The following NRXN1 variants were observed in gnomAD, a reference collection of about 807,000 sequenced individuals.
NRXN1 encodes neurexin-1.
In NRXN1, 39 loss-of-function variants were observed where a neutral mutation model predicts 150.9. That is an observed-to-expected ratio of 0.26 (90% CI 0.20 to 0.34). The LOEUF is 0.34. NRXN1 is among the 10% of genes least tolerant of loss of function. NRXN1 has a pLI of 1.00. For missense variants in NRXN1, 1,815 were observed against 1,949.9 expected (o/e 0.93, Z 1.30); for synonymous variants, 924 against 757.0 (o/e 1.22, Z -3.62).
At chr2:50,672,755 T>A (rs1335644333) in intron 5 of NRXN1, among the ~76,000 whole-genome samples, 3 of 152,022 alleles carry the variant, frequency 2.0e-5, no homozygotes, top group Non-Finnish European at 4.4e-5. Context: ...AGAAAACTGA[T>A]TATTTTGAAA....
At chr2:50,308,518 T>A (rs1252111967) in intron 17 of NRXN1, among the ~76,000 whole-genome samples, 1 of 152,022 alleles carries the variant, frequency 6.6e-6, no homozygotes, top group African/African-American at 2.4e-5. Flanking sequence ...TTTAATTTTT[T>A]ATTTTTTTCC....
At chr2:50,336,222 T>C (rs527361496) in intron 17 of NRXN1, among the ~76,000 whole-genome samples, 1 of 152,294 alleles carries the variant, frequency 6.6e-6, no homozygotes, top group South Asian at 2.1e-4. Context: ...GGTGTTAAAT[T>C]GAAGAAACAA....
In NRXN1 at chr2:50,346,892, C is replaced by A. The variant is rs1188018101; in HGVS notation, c.3365-109922G>T. ...CCTGCGCCGCCGCCGCCGCCGCCGCCGCCGCCGCCCCCGGGCGAGCCCAGC... is the reference window on the plus strand; with the variant it reads ...CCTGCGCCGCCGCCGCCGCCGCCGCAGCCGCCGCCCCCGGGCGAGCCCAGC... On this transcript the variant is annotated intron_variant, in intron 17 of 22. Coordinates refer to ENST00000401669, the MANE Select transcript of NRXN1 (RefSeq NM_001330078.2). This position sits in a 1 kb window ranked among gnomAD's most constrained non-coding sequence, Gnocchi z 5.0. 1 of 1,310,640 alleles carries A rather than the reference C, an allele frequency of 7.6e-7. No individual in the cohort carries two copies. The highest frequency in any genetic ancestry group is 3.3e-5 in the East Asian group (1 of 30,334). 81.2% of individuals were successfully genotyped at this position (1,310,640 alleles called of 1,614,324 possible). A position where few individuals can be genotyped will look rare whatever the true frequency, so the allele number is the denominator to read the frequency against.
chr2:50,603,454 G>T (rs779384263), intron 8 of NRXN1, among the ~76,000 whole-genome samples: 1 of 152,124 alleles, frequency 6.6e-6, no homozygotes, highest in Non-Finnish European at 1.5e-5. Context: ...AGGGGAAAAA[G>T]AAAGAAAGAA....
At chr2:50,066,182 A>G (rs1000595810) in intron 19 of NRXN1, among the ~76,000 whole-genome samples, 3 of 152,306 alleles carry the variant, frequency 2.0e-5, no homozygotes, top group East Asian at 3.9e-4. Context: ...ATCGGACTCA[A>G]TAAAGTCAAT....
intron 8 of NRXN1, among the ~76,000 whole-genome samples, chr2:50,561,150 T>G (rs770747805): frequency 1.3e-5 from 2 of 152,236 alleles, no homozygotes; most frequent in African/African-American, 4.8e-5. Context: ...TTCAGTGAAC[T>G]GCTTAAAGTT....
At chr2:50,282,153 C>T (rs2071545780) in intron 17 of NRXN1, among the ~76,000 whole-genome samples, 3 of 152,036 alleles carry the variant, frequency 2.0e-5, no homozygotes, top group African/African-American at 4.8e-5. Flanking sequence ...AAGTAGGAAG[C>T]AGAAGATGTG....
In NRXN1 at chr2:49,979,737, T is replaced by A. The variant is rs998322773; in HGVS notation, c.4129-35946A>T. 4.6e-5 allele frequency among the ~76,000 whole-genome samples: 7 copies of A among 152,178 alleles called. No individual in the cohort carries two copies. In the East Asian group the frequency reaches 1.2e-3, roughly 25 times the overall value. Reference sequence around the variant, plus strand: ...ATCCAAGCAGATTGTCTTAGTTTTTTATTATTTTTCCTTTTTCTCCTTATA... The same window carrying A: ...ATCCAAGCAGATTGTCTTAGTTTTTAATTATTTTTCCTTTTTCTCCTTATA... On this transcript the variant is annotated intron_variant, in intron 21 of 22. Transcript: ENST00000401669.
At chr2:49,995,747 A>G (rs35178310) in intron 21 of NRXN1, among the ~76,000 whole-genome samples, 46,726 of 138,422 alleles carry the variant, frequency 0.34, 8,318 homozygotes, top group East Asian at 0.5. Context: ...CATCACTGCA[A>G]TCCAGCCTGA....
intron 2 of NRXN1, among the ~76,000 whole-genome samples, chr2:50,992,035 G>T (rs536164664): frequency 6.6e-6 from 1 of 152,074 alleles, no homozygotes; most frequent in South Asian, 2.1e-4. Flanking sequence ...TCCGAGAGGG[G>T]ATAATATAAA....
At chr2:50,657,680 T>C (rs1283873015) in intron 5 of NRXN1, among the ~76,000 whole-genome samples, 1 of 151,978 alleles carries the variant, frequency 6.6e-6, no homozygotes, top group Non-Finnish European at 1.5e-5. Flanking sequence ...AGAGTAGACA[T>C]GAGATAAGAG....
At chr2:50,350,878 G>A (rs548943725) in intron 17 of NRXN1, among the ~76,000 whole-genome samples, 3 of 152,258 alleles carry the variant, frequency 2.0e-5, no homozygotes, top group South Asian at 4.1e-4. Flanking sequence ...AGAAGAAATT[G>A]TAGCTGTAGT....
At chr2:50,969,425 T>C (rs1455405465) in intron 2 of NRXN1, among the ~76,000 whole-genome samples, 4 of 152,142 alleles carry the variant, frequency 2.6e-5, no homozygotes. Context: ...CTGGTTGGTA[T>C]TAAATGATTA....
At chr2:50,352,354 G>A (rs2078472038) in intron 17 of NRXN1, among the ~76,000 whole-genome samples, 3 of 152,040 alleles carry the variant, frequency 2.0e-5, no homozygotes, top group Admixed American at 1.3e-4. Flanking sequence ...ATGGTTGTCA[G>A]GCAGACACTT....
At chr2:50,088,623 C>T (rs1699135533) in intron 19 of NRXN1, among the ~76,000 whole-genome samples, 1 of 152,148 alleles carries the variant, frequency 6.6e-6, no homozygotes, top group African/African-American at 2.4e-5. Context: ...AGATTTGCTT[C>T]TTATTACGAT....
At chr2:50,025,260 C>A (rs1464162964) in intron 21 of NRXN1, among the ~76,000 whole-genome samples, 3 of 152,138 alleles carry the variant, frequency 2.0e-5, no homozygotes, top group Non-Finnish European at 4.4e-5. Flanking sequence ...TACATATATA[C>A]AACTCTATCC....
intron 5 of NRXN1, among the ~76,000 whole-genome samples, chr2:50,861,033 A>G (rs1401925591): frequency 6.6e-6 from 1 of 152,070 alleles, no homozygotes; most frequent in Non-Finnish European, 1.5e-5. Flanking sequence ...AGTAAGTATA[A>G]ATGGGCATAG....
At chr2:50,978,795 A>G (rs538289275) in intron 2 of NRXN1, among the ~76,000 whole-genome samples, 1 of 152,224 alleles carries the variant, frequency 6.6e-6, no homozygotes, top group South Asian at 2.1e-4. Context: ...ACGAGAAAAC[A>G]TGCATAATGA....
At chr2:50,389,372 A>T (rs536759327) in intron 17 of NRXN1, among the ~76,000 whole-genome samples, 5 of 151,154 alleles carry the variant, frequency 3.3e-5, no homozygotes, top group African/African-American at 1.2e-4. Context: ...AGAGAAAGAA[A>T]GTTAGACAAT....
Sources: gnomAD v4.1 joint callset for allele counts (sites outside exome capture counted in the v4.1 genomes callset) on GRCh38, gnomAD v4.1.1 for gene constraint, Gnocchi (gnomAD v3.1) non-coding constraint, MANE v1.5 for transcripts, NCBI Gene and HGNC (gene_info 2026-07-23, HGNC 2026-07-21) for gene names.